PDE1C: variants seen among roughly 807,000 people sequenced by gnomAD.
The protein encoded by PDE1C is phosphodiesterase 1C.
PDE1C carries 62 observed loss-of-function variants against 93.1 expected under a neutral mutation model. The observed-to-expected ratio is 0.67, with a 90% confidence interval of 0.54 to 0.82. The LOEUF (loss-of-function observed/expected upper bound fraction) is 0.82. Ranked by LOEUF, PDE1C falls within the 40% of genes least tolerant of loss-of-function variation. The pLI, the probability that PDE1C is intolerant of heterozygous loss-of-function variation, is 0.00. For missense variants in PDE1C, 742 were observed against 884.6 expected, an observed-to-expected ratio of 0.84 and a Z score of 2.04; for synonymous variants, 325 against 310.1, an observed-to-expected ratio of 1.05 and a Z score of -0.50.
chr7:32,188,621 C>T (rs1804035411), intron 2 of PDE1C, among the ~76,000 whole-genome samples: 2 of 152,216 alleles, frequency 1.3e-5, no homozygotes, highest in South Asian at 4.1e-4. Flanking sequence ...CTTACCAGGG[C>T]TACATCTTCT....
In PDE1C at chr7:32,056,265, AAAG is replaced by A. The variant is rs550608045; in HGVS notation, c.102-4688_102-4686del. On this transcript the variant is annotated intron_variant, in intron 1 of 17. Coordinates refer to ENST00000396191, the MANE Select transcript of PDE1C (RefSeq NM_001191057.4). ...AAGGCCAGGCTGAGGACACCACTTC[AAAG>A]AAGGTCTAGAGTGGCACTTTGCAAA... 1.9e-3 allele frequency among the ~76,000 whole-genome samples: 291 copies of A among 151,298 alleles called. 2 individuals carry two copies. Among genetic ancestry groups the A allele is most frequent in the African/African-American group, 6.6e-3 (273 of 41,128 alleles).
chr7:32,110,723 G>C (rs930183572), intron 3 of PDE1C, among the ~76,000 whole-genome samples: 9 of 152,158 alleles, frequency 5.9e-5, no homozygotes, highest in African/African-American at 2.2e-4. Flanking sequence ...TTAATTGCCT[G>C]AGAAGAAACT....
At chr7:31,984,576 T>C (rs546787513) in intron 2 of PDE1C, among the ~76,000 whole-genome samples, 12 of 152,304 alleles carry the variant, frequency 7.9e-5, no homozygotes, top group African/African-American at 2.9e-4. Context: ...CCCCTTTTTA[T>C]GTTTTTTGAA....
intron 3 of PDE1C, among the ~76,000 whole-genome samples, chr7:32,157,734 A>C (rs1801666977): frequency 6.6e-6 from 1 of 152,188 alleles, no homozygotes; most frequent in Admixed American, 6.5e-5. Context: ...ACAATTTAGG[A>C]TTAAAAGATT....
chr7:32,174,761 C>T (rs765658685), intron 2 of PDE1C, among the ~76,000 whole-genome samples: 2 of 152,036 alleles, frequency 1.3e-5, no homozygotes, highest in Non-Finnish European at 2.9e-5. Context: ...CACAGCTGTA[C>T]CTGTATTTCA....
chr7:31,759,706 T>A (rs1230879989), intron 17 of PDE1C, among the ~76,000 whole-genome samples: 2 of 152,242 alleles, frequency 1.3e-5, no homozygotes, highest in Non-Finnish European at 2.9e-5. Flanking sequence ...CTTTATTTTA[T>A]AATTATGCTC....
At chr7:32,088,482 A>G (rs1041557067) in intron 3 of PDE1C, among the ~76,000 whole-genome samples, 1 of 152,228 alleles carries the variant, frequency 6.6e-6, no homozygotes, top group Non-Finnish European at 1.5e-5. Context: ...GGGCCTTTCT[A>G]ATCTGCCTAG....
intron 2 of PDE1C, among the ~76,000 whole-genome samples, chr7:31,966,834 C>T (rs1810062420): frequency 6.6e-6 from 1 of 152,156 alleles, no homozygotes; most frequent in Admixed American, 6.5e-5. Context: ...TACATGGAAA[C>T]TGAACAACCT....
chr7:32,318,786 C>T (rs1465487987), intron 1 of PDE1C, among the ~76,000 whole-genome samples: 1 of 152,162 alleles, frequency 6.6e-6, no homozygotes, highest in Non-Finnish European at 1.5e-5. Context: ...ACAAAAAGAG[C>T]CACGGCAGAG....
intron 1 of PDE1C, among the ~76,000 whole-genome samples, chr7:32,411,187 C>A (rs949028890): frequency 1.2e-4 from 19 of 152,110 alleles, no homozygotes; most frequent in African/African-American, 4.3e-4. Context: ...GGATAGACTC[C>A]AAACCAAATT....
At chr7:32,008,234 C>G (rs1380219213) in intron 2 of PDE1C, among the ~76,000 whole-genome samples, 1 of 152,168 alleles carries the variant, frequency 6.6e-6, no homozygotes, top group Non-Finnish European at 1.5e-5. Context: ...AGCTTCCAAA[C>G]CACTGGTATT....
chr7:31,680,148 A>G, the PDE1C span, among the ~76,000 whole-genome samples: 4 of 152,226 alleles, frequency 2.6e-5, no homozygotes, highest in Admixed American at 2.6e-4. Context: ...TTAATATTCA[A>G]GCAAAGCTTT....
chr7:31,810,169 C>A (rs1241417497), intron 15 of PDE1C, among the ~76,000 whole-genome samples: 2 of 151,974 alleles, frequency 1.3e-5, no homozygotes, highest in African/African-American at 4.8e-5. Flanking sequence ...AACAATATGC[C>A]AGTATTACAT....
chr7:32,041,416 T>A (rs1791794105), intron 2 of PDE1C, among the ~76,000 whole-genome samples: 1 of 152,112 alleles, frequency 6.6e-6, no homozygotes, highest in South Asian at 2.1e-4. Context: ...GCTTAGAAGT[T>A]CATCATTCCA....
chr7:32,216,428 T>C (rs774933579), intron 1 of PDE1C, among the ~76,000 whole-genome samples: 2 of 152,126 alleles, frequency 1.3e-5, no homozygotes, highest in Non-Finnish European at 2.9e-5. Flanking sequence ...TCTCTGCCAA[T>C]GAAAAAGCTG....
At chr7:31,764,311 A>AT (rs1357020458) in intron 17 of PDE1C, among the ~76,000 whole-genome samples, 1 of 152,028 alleles carries the variant, frequency 6.6e-6, no homozygotes, top group Non-Finnish European at 1.5e-5. Context: ...CACCCAGATA[A>AT]TTTTTTGTAT....
chr7:31,695,278 G>A, the PDE1C span, among the ~76,000 whole-genome samples: 10 of 152,062 alleles, frequency 6.6e-5, no homozygotes, highest in African/African-American at 1.4e-4. Context: ...TCTAGTTTTC[G>A]ATTTTGTTAT....
chr7:31,621,849 A>G, the PDE1C span, among the ~76,000 whole-genome samples: 8 of 151,920 alleles, frequency 5.3e-5, no homozygotes, highest in African/African-American at 1.9e-4. Flanking sequence ...AGTGTGTTGT[A>G]TTCAGGAAAC....
the PDE1C span, among the ~76,000 whole-genome samples, chr7:31,629,948 A>G: frequency 2.6e-5 from 4 of 152,182 alleles, no homozygotes; most frequent in Non-Finnish European, 5.9e-5. Flanking sequence ...CAAACATGAT[A>G]TAAATATAAT....
Sources: allele counts gnomAD v4.1 joint callset (sites outside exome capture counted in the v4.1 genomes callset), GRCh38; gene constraint gnomAD v4.1.1; transcripts MANE v1.5; gene names NCBI Gene and HGNC (gene_info 2026-07-23, HGNC 2026-07-21).